NAV3: variants seen among roughly 807,000 people sequenced by gnomAD.
The protein encoded by NAV3 is neuron navigator 3.
NAV3 carries 87 observed loss-of-function variants against 244.7 expected under a neutral mutation model. The observed-to-expected ratio is 0.36, with a 90% CI of 0.30 to 0.42. NAV3 has a LOEUF of 0.42. NAV3 is among the 20% of genes least tolerant of loss of function. The pLI is 1.00. For synonymous variants in NAV3, 1,126 were observed against 1,042.2 expected (o/e 1.08, Z -1.55); for missense variants, 2,663 against 2,893.3 (o/e 0.92, Z 1.83).
chr12:78,079,086 A>G (rs537751921), intron 12 of NAV3, among the ~76,000 whole-genome samples: 4 of 152,324 alleles, frequency 2.6e-5, no homozygotes, highest in Admixed American at 6.5e-5. Context: ...CTGTTATTTG[A>G]AAACCCCAGC....
At chr12:77,941,592 A>G (rs1889873637) in intron 3 of NAV3, among the ~76,000 whole-genome samples, 1 of 152,148 alleles carries the variant, frequency 6.6e-6, no homozygotes, top group African/African-American at 2.4e-5. Context: ...TGCTGCTGTC[A>G]GTTTGGTGAG....
intron 2 of NAV3, among the ~76,000 whole-genome samples, chr12:77,786,021 T>C (rs1263380565): frequency 6.6e-6 from 1 of 151,894 alleles, no homozygotes; most frequent in Non-Finnish European, 1.5e-5. Flanking sequence ...TATAAGAATT[T>C]TGGCTTGGGG....
chr12:78,032,977 T>C (rs1408340849), intron 9 of NAV3, among the ~76,000 whole-genome samples: 2 of 152,344 alleles, frequency 1.3e-5, no homozygotes, highest in East Asian at 3.9e-4. Context: ...TCTTAACCTT[T>C]ATCTGGAATT....
At chr12:78,164,681 C>T (rs1446967403) in intron 23 of NAV3, among the ~76,000 whole-genome samples, 2 of 151,904 alleles carry the variant, frequency 1.3e-5, no homozygotes. Context: ...ATAGGGATGG[C>T]CAGGTTATTT....
chr12:77,979,933 G>C (rs1299610275), intron 5 of NAV3, among the ~76,000 whole-genome samples: 1 of 152,102 alleles, frequency 6.6e-6, no homozygotes, highest in Non-Finnish European at 1.5e-5. Flanking sequence ...CAGCTGAGGA[G>C]AAGGGATACC....
chr12:77,928,764 A>G (rs770758325), intron 1 of NAV3, among the ~76,000 whole-genome samples: 1 of 152,172 alleles, frequency 6.6e-6, no homozygotes, highest in South Asian at 2.1e-4. Context: ...CCTATTTCCA[A>G]TCTAATAATA....
intron 2 of NAV3, among the ~76,000 whole-genome samples, chr12:77,644,947 A>G (rs954660179): frequency 6.6e-6 from 1 of 152,106 alleles, no homozygotes; most frequent in Non-Finnish European, 1.5e-5. Context: ...TAATACCAAA[A>G]CGATTAAGTT....
intron 9 of NAV3, among the ~76,000 whole-genome samples, chr12:78,038,103 TTAAC>T (rs1180010212): frequency 2.6e-5 from 4 of 152,232 alleles, no homozygotes; most frequent in Non-Finnish European, 5.9e-5. Flanking sequence ...GGCATAATCT[TTAAC>T]TAAATAAGAA....
chr12:77,937,220 G>A (rs1302119011), intron 1 of NAV3, among the ~76,000 whole-genome samples: 1 of 152,158 alleles, frequency 6.6e-6, no homozygotes, highest in Non-Finnish European at 1.5e-5. Context: ...AATACGGCCT[G>A]AGCAAAGTTT....
intron 1 of NAV3, among the ~76,000 whole-genome samples, chr12:77,849,259 A>G (rs891663644): frequency 1.3e-5 from 2 of 152,122 alleles, no homozygotes; most frequent in Non-Finnish European, 2.9e-5. Flanking sequence ...TATGTGTTGA[A>G]TAAAAAATAA....
intron 2 of NAV3, among the ~76,000 whole-genome samples, chr12:77,611,154 A>G (rs1326749230): frequency 6.6e-6 from 1 of 152,034 alleles, no homozygotes; most frequent in Non-Finnish European, 1.5e-5. Context: ...AAGCCACATC[A>G]GAGAGTAAAA....
chr12:77,750,324 G>T (rs1279668871), intron 2 of NAV3, among the ~76,000 whole-genome samples: 1 of 152,132 alleles, frequency 6.6e-6, no homozygotes, highest in Non-Finnish European at 1.5e-5. Flanking sequence ...CTGCACTCCA[G>T]CCTGGGTGAC....
intron 39 of NAV3, among the ~76,000 whole-genome samples, chr12:78,210,125 T>G (rs1466118352): frequency 6.6e-6 from 1 of 152,204 alleles, no homozygotes; most frequent in Middle Eastern, 3.2e-3. Context: ...TACAGTTTCC[T>G]TTCCAGTCTC....
intron 1 of NAV3, among the ~76,000 whole-genome samples, chr12:77,844,902 C>T (rs1052272454): frequency 3.9e-5 from 6 of 152,084 alleles, no homozygotes; most frequent in Non-Finnish European, 7.4e-5. Context: ...TCAATTTTCT[C>T]GACTTTGGGA....
chr12:77,637,070 C>T (rs1872190639), intron 2 of NAV3, among the ~76,000 whole-genome samples: 1 of 152,122 alleles, frequency 6.6e-6, no homozygotes, highest in African/African-American at 2.4e-5. Context: ...AGCAAACCAC[C>T]ATGGCACATG....
chr12:77,908,512 C>G (rs1886239214), intron 1 of NAV3, among the ~76,000 whole-genome samples: 1 of 151,888 alleles, frequency 6.6e-6, no homozygotes, highest in South Asian at 2.1e-4. Context: ...TAAGGTAAAG[C>G]AATTTAAAAA....
At chr12:77,814,587 A>G (rs1872452585) in intron 2 of NAV3, among the ~76,000 whole-genome samples, 1 of 152,138 alleles carries the variant, frequency 6.6e-6, no homozygotes, top group South Asian at 2.1e-4. Flanking sequence ...CACAATAAAC[A>G]TCCCTTGGGA....
intron 11 of NAV3, among the ~76,000 whole-genome samples, chr12:78,054,545 G>A (rs1883203121): frequency 6.6e-6 from 1 of 152,170 alleles, no homozygotes; most frequent in African/African-American, 2.4e-5. Context: ...GAATTCAGGG[G>A]AGAAACTCGG....
intron 12 of NAV3, chr12:78,091,587 G>C (rs1017627298): frequency 6.6e-6 from 1 of 151,796 alleles, no homozygotes; most frequent in Non-Finnish European, 1.5e-5. Context: ...ACGAGGTCAG[G>C]AGATCGAGAC....
Sources: gnomAD v4.1 joint callset for allele counts (sites outside exome capture counted in the v4.1 genomes callset) on GRCh38, gnomAD v4.1.1 for gene constraint, MANE v1.5 for transcripts, NCBI Gene and HGNC (gene_info 2026-07-23, HGNC 2026-07-21) for gene names.